The following NR6A1 variants were observed in gnomAD, a reference collection of about 807,000 sequenced individuals.
The protein encoded by NR6A1 is retinoic acid receptor-related testis-associated receptor.
In NR6A1, 7 loss-of-function variants were observed where a neutral mutation model predicts 59.1. The observed-to-expected ratio is 0.12, with a 90% CI of 0.07 to 0.22. The LOEUF (loss-of-function observed/expected upper bound fraction) is 0.22, where lower values mean the gene tolerates loss of function less well. Ranked by LOEUF, NR6A1 falls within the 10% of genes least tolerant of loss-of-function variation. The pLI, the probability that NR6A1 is intolerant of heterozygous loss-of-function variation, is 1.00. For synonymous variants in NR6A1, 243 were observed against 236.1 expected (o/e 1.03, Z -0.27); for missense variants, 468 against 611.6 (o/e 0.77, Z 2.48).
chr9:124,652,103 A>G (rs1180867236), intron 2 of NR6A1, among the ~76,000 whole-genome samples: 1 of 152,242 alleles, frequency 6.6e-6, no homozygotes, highest in Non-Finnish European at 1.5e-5. Flanking sequence ...GAAGACTAAA[A>G]AACTAGCCCC....
chr9:124,678,303 T>C lies in NR6A1; in HGVS notation c.142+55005A>G, dbSNP rs182302724. Among the ~76,000 whole-genome samples, 17 of 152,316 alleles carry C rather than the reference T, an allele frequency of 1.1e-4. No homozygotes were observed. In the East Asian group the frequency reaches 2.3e-3, roughly 21 times the overall value. ...TAAAAGAGAACCCTAATCACCACTT[T>C]CTCTTGGAGTAACGTCCTAAGTCTG... is the stretch of plus-strand genomic sequence containing the variant. On this transcript the variant is annotated intron_variant, in intron 2 of 9. Transcript: ENST00000487099.
In NR6A1 at chr9:124,522,686, G is replaced by T; in HGVS notation, c.*19C>A. 2 of 1,556,096 alleles carry T rather than the reference G, an allele frequency of 1.3e-6. No individual in the cohort carries two copies. The highest frequency in any genetic ancestry group is 8.7e-7 in the Non-Finnish European group (1 of 1,150,010). On this transcript the variant is annotated 3_prime_UTR_variant, in exon 10 of 10. Transcript: ENST00000487099. ...ACCCAAGACGCTGTGGTTGGCCTGA[G>T]GAGGGCGCCTGGAACAGGTCATTCC... is the stretch of plus-strand genomic sequence containing the variant.
chr9:124,710,231 G>A (rs1486351765), intron 2 of NR6A1, among the ~76,000 whole-genome samples: 1 of 152,098 alleles, frequency 6.6e-6, no homozygotes, highest in Non-Finnish European at 1.5e-5. Flanking sequence ...CCTTCTCGAT[G>A]ACATAGAACT....
chr9:124,684,606 T>C (rs16927583), intron 2 of NR6A1, among the ~76,000 whole-genome samples: 20,289 of 152,142 alleles, frequency 0.13, 3,671 homozygotes, highest in African/African-American at 0.4. Flanking sequence ...CCTACCTTCT[T>C]ACTGGCAATT....
intron 2 of NR6A1, among the ~76,000 whole-genome samples, chr9:124,594,402 G>A (rs1835213628): frequency 6.6e-6 from 1 of 151,998 alleles, no homozygotes; most frequent in South Asian, 2.1e-4. Context: ...AGAGACTCAA[G>A]CTCGTCGAAA....
intron 2 of NR6A1, among the ~76,000 whole-genome samples, chr9:124,633,135 T>C (rs1836494283): frequency 6.6e-6 from 1 of 152,192 alleles, no homozygotes; most frequent in Non-Finnish European, 1.5e-5. Context: ...CCGGGCGCAG[T>C]GGCTCACACT....
At chr9:124,731,656 G>A (rs1408522729) in intron 2 of NR6A1, among the ~76,000 whole-genome samples, 1 of 152,104 alleles carries the variant, frequency 6.6e-6, no homozygotes, top group Non-Finnish European at 1.5e-5. Flanking sequence ...AAGGTGGTGA[G>A]GATGAAGACC....
intron 2 of NR6A1, among the ~76,000 whole-genome samples, chr9:124,724,200 A>G (rs1293800692): frequency 1.3e-5 from 2 of 152,176 alleles, no homozygotes; most frequent in East Asian, 3.8e-4. Context: ...CATATATAGT[A>G]TAGATTCCTA....
intron 2 of NR6A1, among the ~76,000 whole-genome samples, chr9:124,706,378 T>A (rs1839133108): frequency 1.3e-5 from 2 of 152,230 alleles, no homozygotes; most frequent in Non-Finnish European, 2.9e-5. Flanking sequence ...AGTTACCATC[T>A]GGTATCACTC....
intron 7 of NR6A1, among the ~76,000 whole-genome samples, chr9:124,533,928 G>A (rs554825199): frequency 6.7e-6 from 1 of 150,208 alleles, no homozygotes; most frequent in Non-Finnish European, 1.5e-5. Context: ...GGATTACAGG[G>A]GTGAGCCACC....
At chr9:124,673,532 AGCTACTTGGGAG>A (rs1190382520) in intron 2 of NR6A1, among the ~76,000 whole-genome samples, 1 of 152,180 alleles carries the variant, frequency 6.6e-6, no homozygotes, top group Non-Finnish European at 1.5e-5. Context: ...CTGCAGTCCT[AGCTACTTGGGAG>A]GCTGAGGCAG....
At chr9:124,703,049 C>A (rs1044521656) in intron 2 of NR6A1, among the ~76,000 whole-genome samples, 2 of 151,912 alleles carry the variant, frequency 1.3e-5, no homozygotes, top group South Asian at 2.1e-4. Context: ...AAATTACAGA[C>A]AAACACAAAC....
At position 124,536,031 on chromosome 9, in the gene NR6A1, C is replaced by A; in HGVS notation, c.926G>T (p.Cys309Phe). The A allele has an allele frequency of 6.2e-7, 1 of 1,614,178 alleles. No homozygotes were observed. Among genetic ancestry groups the A allele is most frequent in the Non-Finnish European group, 8.5e-7 (1 of 1,180,036 alleles). ...CGTGTAATCCTTGATTGAGAGCTCG[C>A]AGAAGAAAGGCAGTTTCTTGATCCA... ...IAWIKKLPFF[C>F]ELSIKDYTCL... The change falls in exon 7 of 10, where the codon TGC (cysteine) becomes TTC (phenylalanine). Residue 309 changes from cysteine (C) to phenylalanine (F), a missense_variant. Coordinates refer to ENST00000487099, the MANE Select transcript of NR6A1 (RefSeq NM_033334.4).
intron 2 of NR6A1, among the ~76,000 whole-genome samples, chr9:124,634,109 TTATA>T (rs1440466830): frequency 6.6e-6 from 1 of 152,306 alleles, no homozygotes; most frequent in South Asian, 2.1e-4. Context: ...TGATAAATAA[TTATA>T]TAGTCACTGT....
chr9:124,562,868 T>C (rs1834120582), intron 2 of NR6A1, among the ~76,000 whole-genome samples: 1 of 152,198 alleles, frequency 6.6e-6, no homozygotes, highest in African/African-American at 2.4e-5. Flanking sequence ...CATTGACATG[T>C]GTCTGCTGAA....
At chr9:124,710,491 T>A (rs1400929348) in intron 2 of NR6A1, among the ~76,000 whole-genome samples, 2 of 152,194 alleles carry the variant, frequency 1.3e-5, no homozygotes, top group African/African-American at 4.8e-5. Flanking sequence ...CAAAGGTTCA[T>A]TGCAATGAGC....
At chr9:124,692,641 A>T in intron 2 of NR6A1, 1 of 280,886 alleles carries the variant, frequency 3.6e-6, no homozygotes, top group Non-Finnish European at 8.2e-6. Flanking sequence ...CAATCCCCCA[A>T]ATGTGGTCCA....
intron 2 of NR6A1, among the ~76,000 whole-genome samples, chr9:124,624,904 G>A (rs1379054729): frequency 7.2e-6 from 1 of 138,272 alleles, no homozygotes; most frequent in Non-Finnish European, 1.5e-5. Flanking sequence ...TTTTTCTGTT[G>A]CTAGCTTGTT....
At chr9:124,685,063 T>C (rs554417624) in intron 2 of NR6A1, among the ~76,000 whole-genome samples, 2 of 152,298 alleles carry the variant, frequency 1.3e-5, no homozygotes, top group Admixed American at 1.3e-4. Flanking sequence ...ATACATGTAG[T>C]CAAAGATTTC....
Sources: gnomAD v4.1 joint callset for allele counts (sites outside exome capture counted in the v4.1 genomes callset) on GRCh38, gnomAD v4.1.1 for gene constraint, MANE v1.5 for transcripts, NCBI Gene and HGNC (gene_info 2026-07-23, HGNC 2026-07-21) for gene names.